Variants in DTNB observed in about 807,000 individuals in gnomAD.
DTNB encodes the protein DTN-B.
A neutral mutation model predicts 90.7 loss-of-function variants in DTNB; 63 were observed. That is an observed-to-expected ratio of 0.69 (90% CI 0.57 to 0.86). DTNB has a LOEUF of 0.86. Among genes scored for constraint, DTNB ranks in the 40% least tolerant of loss-of-function variants. DTNB has a pLI of 0.00. For synonymous variants in DTNB, 277 were observed against 286.7 expected (o/e 0.97, Z 0.34); for missense variants, 744 against 807.1 (o/e 0.92, Z 0.95).
chr2:25,379,161 G>T, intron 20 of DTNB, 129 bp downstream of exon 20: 4 of 882,136 alleles, frequency 4.5e-6, no homozygotes, highest in African/African-American at 1.7e-5. Context: ...AGGGACAGTT[G>T]GGCTCTTGCA....
At chr2:25,618,703 A>G (rs1347806491) in intron 4 of DTNB, among the ~76,000 whole-genome samples, 1 of 152,334 alleles carries the variant, frequency 6.6e-6, no homozygotes, top group East Asian at 1.9e-4. Context: ...TTGAGATGAT[A>G]AGACAGAAGA....
intron 4 of DTNB, among the ~76,000 whole-genome samples, chr2:25,608,089 C>A (rs956897022): frequency 1.3e-5 from 2 of 152,188 alleles, no homozygotes; most frequent in East Asian, 3.8e-4. Context: ...CAGATAAAAA[C>A]TTCACTAGTT....
intron 9 of DTNB, among the ~76,000 whole-genome samples, chr2:25,485,178 T>C (rs946473175): frequency 6.6e-6 from 1 of 152,152 alleles, no homozygotes; most frequent in Non-Finnish European, 1.5e-5. Flanking sequence ...ATTTTTTAAT[T>C]TTTAATAAAT....
At chr2:25,528,642 CTG>C (rs2077594139) in intron 9 of DTNB, among the ~76,000 whole-genome samples, 1 of 152,158 alleles carries the variant, frequency 6.6e-6, no homozygotes, top group South Asian at 2.1e-4. Context: ...TAGTAACAAA[CTG>C]TTAAGAAATA....
At chr2:25,495,499 G>A (rs186767291) in intron 9 of DTNB, among the ~76,000 whole-genome samples, 148 of 152,274 alleles carry the variant, frequency 9.7e-4, no homozygotes, top group African/African-American at 3.3e-3. Flanking sequence ...ATGATGAAGA[G>A]GACATAAGGG....
chr2:25,494,094 A>G (rs1335012227), intron 9 of DTNB, among the ~76,000 whole-genome samples: 1 of 152,212 alleles, frequency 6.6e-6, no homozygotes, highest in Non-Finnish European at 1.5e-5. Context: ...TGGGGGGAAG[A>G]CAGTGCCTAA....
intron 8 of DTNB, among the ~76,000 whole-genome samples, chr2:25,532,918 T>C (rs571075247): frequency 3.3e-5 from 5 of 152,288 alleles, no homozygotes; most frequent in African/African-American, 9.6e-5. Context: ...AAAGACCATA[T>C]AGGCACAGTT....
At chr2:25,603,143 T>C (rs1321164541) in intron 5 of DTNB, among the ~76,000 whole-genome samples, 3 of 152,220 alleles carry the variant, frequency 2.0e-5, no homozygotes, top group African/African-American at 7.2e-5. Context: ...TTTTGCTCCT[T>C]TTAGTGCAAC....
chr2:25,441,805 C>A (rs2057454934), intron 12 of DTNB, among the ~76,000 whole-genome samples: 1 of 49,112 alleles, frequency 2.0e-5, no homozygotes, highest in Non-Finnish European at 5.1e-5. Flanking sequence ...AAGGAAGAAC[C>A]AGAAATTTTT....
rs1381348668 is a variant in DTNB at position 25,387,902 on chromosome 2, T to C, written c.1735+300A>G. ...CCTTCTAGGCCAGGGAATTATTCCA[T>C]CCAATTCCTCTGGAGGAGACAAAGC... On this transcript the variant is annotated intron_variant, in intron 17 of 20. Transcript: ENST00000406818. The surrounding 1 kb of genome is among the most constrained non-coding windows in gnomAD (Gnocchi z 4.5). Among the ~76,000 whole-genome samples, 1 of 152,194 alleles carries C rather than the reference T, an allele frequency of 6.6e-6. No individual in the cohort carries two copies. Among genetic ancestry groups the C allele is most frequent in the Non-Finnish European group, 1.5e-5 (1 of 68,036 alleles).
At chr2:25,496,224 T>G (rs1367464722) in intron 9 of DTNB, among the ~76,000 whole-genome samples, 1 of 152,222 alleles carries the variant, frequency 6.6e-6, no homozygotes, top group African/African-American at 2.4e-5. Context: ...AACCGGATCA[T>G]CAAATCAACA....
chr2:25,549,236 A>C (rs1558986694), intron 8 of DTNB, among the ~76,000 whole-genome samples: 1 of 151,888 alleles, frequency 6.6e-6, no homozygotes, highest in East Asian at 1.9e-4. Context: ...TTTGATTATG[A>C]ATATACATAT....
intron 9 of DTNB, among the ~76,000 whole-genome samples, chr2:25,515,788 G>C (rs2074986961): frequency 6.6e-6 from 1 of 151,916 alleles, no homozygotes; most frequent in Admixed American, 6.6e-5. Context: ...TGTTGGCCAG[G>C]CTGGTCTCGA....
intron 8 of DTNB, among the ~76,000 whole-genome samples, chr2:25,567,066 A>G (rs1020600831): frequency 3.9e-5 from 6 of 152,234 alleles, no homozygotes; most frequent in Non-Finnish European, 8.8e-5. Context: ...CCATTGGGTT[A>G]AAGGACTTGA....
At chr2:25,526,434 C>A (rs1290889488) in intron 9 of DTNB, among the ~76,000 whole-genome samples, 1 of 138,508 alleles carries the variant, frequency 7.2e-6, no homozygotes, top group Non-Finnish European at 1.5e-5. Flanking sequence ...TCACCCTTGT[C>A]ACCCAGGGTG....
At chr2:25,528,484 A>G (rs1226703662) in intron 9 of DTNB, among the ~76,000 whole-genome samples, 1 of 152,194 alleles carries the variant, frequency 6.6e-6, no homozygotes, top group Non-Finnish European at 1.5e-5. Context: ...GGAAGACACA[A>G]AGCAGTCATT....
In DTNB at chr2:25,536,376, G is replaced by C. The variant is rs377450232; in HGVS notation, c.877-4779C>G. Among the ~76,000 whole-genome samples, 3 of 152,188 alleles carry C rather than the reference G, an allele frequency of 2.0e-5. No homozygotes were observed. The South Asian group carries it at 6.2e-4, about 32-fold the overall frequency. ...GCAGCTGGGAGGTGGAGGTTGTAGC[G>C]AGCCGAGATCACGCCACTGCACTCC... On this transcript the variant is annotated intron_variant, in intron 8 of 20. Transcript: ENST00000406818.
intron 15 of DTNB, among the ~76,000 whole-genome samples, chr2:25,423,362 C>CA (rs1030398547): frequency 1.3e-5 from 2 of 151,986 alleles, no homozygotes; most frequent in African/African-American, 4.8e-5. Context: ...TGCTTTATTC[C>CA]AAAAAAGGAT....
At chr2:25,587,361 C>G (rs921941007) in intron 6 of DTNB, among the ~76,000 whole-genome samples, 1 of 152,176 alleles carries the variant, frequency 6.6e-6, no homozygotes, top group Non-Finnish European at 1.5e-5. Flanking sequence ...AATAAAGTGA[C>G]GAGAAGACCA....
Sources: allele counts gnomAD v4.1 joint callset (sites outside exome capture counted in the v4.1 genomes callset), GRCh38; gene constraint gnomAD v4.1.1; non-coding constraint Gnocchi (gnomAD v3.1); transcripts MANE v1.5; gene names NCBI Gene and HGNC (gene_info 2026-07-23, HGNC 2026-07-21).